The following CSMD1 variants were observed in gnomAD, a reference collection of about 807,000 sequenced individuals.
CSMD1 encodes the protein CUB and sushi domain-containing protein 1.
A neutral mutation model predicts 417.5 loss-of-function variants in CSMD1; 213 were observed. That is an observed-to-expected ratio of 0.51 (90% confidence interval 0.46 to 0.57). The LOEUF (loss-of-function observed/expected upper bound fraction) is 0.57, where lower values mean the gene tolerates loss of function less well. Among genes scored for constraint, CSMD1 ranks in the 20% least tolerant of loss-of-function variants. The probability of loss-of-function intolerance (pLI) is 0.00; values close to 1 mark genes in which losing one functional copy is unlikely to be tolerated. For synonymous variants in CSMD1, 2,862 were observed against 1,736.8 expected (o/e 1.65, Z -16.11); for missense variants, 6,923 against 4,529.7 (o/e 1.53, Z -15.17).
chr8:4,065,409 G>C (rs1799191962), intron 3 of CSMD1, among the ~76,000 whole-genome samples: 1 of 152,142 alleles, frequency 6.6e-6, no homozygotes, highest in Non-Finnish European at 1.5e-5. Flanking sequence ...TTTTCATTTT[G>C]TAAAACTTCT....
chr8:3,895,007 C>G (rs764812748), intron 5 of CSMD1, among the ~76,000 whole-genome samples: 1 of 152,086 alleles, frequency 6.6e-6, no homozygotes, highest in African/African-American at 2.4e-5. Flanking sequence ...ATGAAAGCAG[C>G]TTAGTGGAGG....
chr8:4,184,419 C>T (rs1798549318), intron 3 of CSMD1, among the ~76,000 whole-genome samples: 1 of 150,756 alleles, frequency 6.6e-6, no homozygotes. Flanking sequence ...TGAGGATGTT[C>T]CTTGCGGCAC....
chr8:3,406,500 G>C (rs926584507), intron 14 of CSMD1, among the ~76,000 whole-genome samples: 1 of 152,144 alleles, frequency 6.6e-6, no homozygotes, highest in Non-Finnish European at 1.5e-5. Flanking sequence ...GACAAAGAGA[G>C]AACTGATATG....
intron 3 of CSMD1, among the ~76,000 whole-genome samples, chr8:4,317,589 G>T (rs7828802): frequency 0.98 from 149,558 of 152,216 alleles, 73,517 homozygotes; most frequent in East Asian, 1. Flanking sequence ...ACTCAAGAGA[G>T]AGAGAGGAGA....
intron 26 of CSMD1, among the ~76,000 whole-genome samples, chr8:3,281,636 A>G (rs1056128780): frequency 6.6e-6 from 1 of 152,202 alleles, no homozygotes; most frequent in African/African-American, 2.4e-5. Context: ...AGACAAAACT[A>G]TGGAGACAGT....
chr8:4,340,852 A>G (rs1387362399), intron 3 of CSMD1, among the ~76,000 whole-genome samples: 3 of 152,036 alleles, frequency 2.0e-5, no homozygotes, highest in Non-Finnish European at 2.9e-5. Flanking sequence ...TGCTAATTAC[A>G]CTGTACTATT....
chr8:4,728,553 C>G (rs1488470844), intron 1 of CSMD1, among the ~76,000 whole-genome samples: 1 of 152,068 alleles, frequency 6.6e-6, no homozygotes. Context: ...TTATTTGGAG[C>G]TCTTCATGTC....
At chr8:4,332,587 A>AT in intron 3 of CSMD1, among the ~76,000 whole-genome samples, 1 of 147,824 alleles carries the variant, frequency 6.8e-6, no homozygotes, top group Non-Finnish European at 1.5e-5. Flanking sequence ...ACACACACAC[A>AT]CACACACACA....
chr8:3,563,486 AAACT>A (rs1285171547), intron 10 of CSMD1, among the ~76,000 whole-genome samples: 2 of 151,588 alleles, frequency 1.3e-5, no homozygotes, highest in Admixed American at 6.6e-5. Context: ...AAGACCTGTA[AAACT>A]AACTGAGCTC....
intron 1 of CSMD1, among the ~76,000 whole-genome samples, chr8:4,778,827 T>C (rs1797006228): frequency 6.6e-6 from 1 of 152,190 alleles, no homozygotes; most frequent in African/African-American, 2.4e-5. Context: ...TGAGATGCAA[T>C]GATCAAAAGT....
intron 10 of CSMD1, among the ~76,000 whole-genome samples, chr8:3,501,307 T>G (rs1317952941): frequency 1.3e-5 from 2 of 152,140 alleles, no homozygotes; most frequent in Non-Finnish European, 2.9e-5. Context: ...AAGAAAAATG[T>G]ATGCATCATT....
chr8:3,304,140 T>C (rs1365224691), intron 25 of CSMD1, among the ~76,000 whole-genome samples: 1 of 152,154 alleles, frequency 6.6e-6, no homozygotes, highest in Non-Finnish European at 1.5e-5. Context: ...GAGTGAAAAA[T>C]ATTTACATTA....
intron 12 of CSMD1, among the ~76,000 whole-genome samples, chr8:3,466,602 AT>A (rs1816804076): frequency 1.4e-5 from 1 of 70,016 alleles, no homozygotes; most frequent in Non-Finnish European, 2.9e-5. Context: ...TTTTTTTTGT[AT>A]TCTGAGGAGA....
At chr8:3,907,545 GA>G (rs1808191976) in intron 5 of CSMD1, among the ~76,000 whole-genome samples, 1 of 152,074 alleles carries the variant, frequency 6.6e-6, no homozygotes, top group East Asian at 1.9e-4. Context: ...TATTTTTAAG[GA>G]ATGGCCCAGC....
At chr8:4,008,888 G>A (rs946381054) in intron 4 of CSMD1, among the ~76,000 whole-genome samples, 2 of 151,966 alleles carry the variant, frequency 1.3e-5, no homozygotes, top group African/African-American at 4.8e-5. Flanking sequence ...GGGATTACAG[G>A]CGTGAGCCAC....
intron 1 of CSMD1, among the ~76,000 whole-genome samples, chr8:4,774,836 G>A (rs548852527): frequency 1.4e-5 from 2 of 143,926 alleles, no homozygotes; most frequent in Non-Finnish European, 2.9e-5. Flanking sequence ...CCTACTGGAG[G>A]CATGTGAAGT....
intron 1 of CSMD1, among the ~76,000 whole-genome samples, chr8:4,986,630 A>T (rs1811192608): frequency 6.6e-6 from 1 of 152,194 alleles, no homozygotes; most frequent in African/African-American, 2.4e-5. Flanking sequence ...CAGTATTTTT[A>T]TATGAAAGAG....
chr8:3,670,104 G>C (rs924960423), intron 7 of CSMD1, among the ~76,000 whole-genome samples: 2 of 152,148 alleles, frequency 1.3e-5, no homozygotes, highest in Non-Finnish European at 2.9e-5. Context: ...AGGATGCAAA[G>C]TGTTGATCCT....
At chr8:3,646,120 T>C (rs181836279) in intron 7 of CSMD1, among the ~76,000 whole-genome samples, 1 of 151,958 alleles carries the variant, frequency 6.6e-6, no homozygotes, top group East Asian at 1.9e-4. Flanking sequence ...AGAAAACCTT[T>C]TGAAGAATGC....
Sources: allele counts gnomAD v4.1 joint callset (sites outside exome capture counted in the v4.1 genomes callset), GRCh38; gene constraint gnomAD v4.1.1; transcripts MANE v1.5; gene names NCBI Gene and HGNC (gene_info 2026-07-23, HGNC 2026-07-21).